Variants in CHN2 observed in about 807,000 individuals in gnomAD.
CHN2 encodes the protein beta-chimaerin.
Under a neutral mutation model 56.3 loss-of-function variants are expected in CHN2, and 35 were observed. That is an observed-to-expected ratio of 0.62 (90% CI 0.47 to 0.82). The LOEUF is 0.82. Ranked by LOEUF, CHN2 falls within the 40% of genes least tolerant of loss-of-function variation. CHN2 has a pLI of 0.00. For synonymous variants in CHN2, 210 were observed against 212.8 expected, an observed-to-expected ratio of 0.99 and a Z score of 0.12; for missense variants, 491 against 580.5, an observed-to-expected ratio of 0.85 and a Z score of 1.58.
At chr7:29,432,659 C>T (rs1186439436) in intron 6 of CHN2, among the ~76,000 whole-genome samples, 1 of 152,052 alleles carries the variant, frequency 6.6e-6, no homozygotes, top group Non-Finnish European at 1.5e-5. Context: ...ACCTGGCAGA[C>T]CTGTATTTAA....
At chr7:29,462,404 AG>A (rs1321843801) in intron 6 of CHN2, among the ~76,000 whole-genome samples, 1 of 152,206 alleles carries the variant, frequency 6.6e-6, no homozygotes, top group Non-Finnish European at 1.5e-5. Context: ...AGAGTACAGC[AG>A]GGATGGCTTG....
intron 2 of CHN2, among the ~76,000 whole-genome samples, chr7:29,154,129 AC>A (rs1439514901): frequency 6.6e-6 from 1 of 152,142 alleles, no homozygotes; most frequent in Non-Finnish European, 1.5e-5. Flanking sequence ...CCTGTTTGTC[AC>A]CACATCACAG....
chr7:29,158,030 G>T (rs1175368117), intron 2 of CHN2, among the ~76,000 whole-genome samples: 2 of 152,150 alleles, frequency 1.3e-5, no homozygotes, highest in African/African-American at 4.8e-5. Flanking sequence ...CCCAGAAAAG[G>T]CAAGATGGCA....
chr7:29,316,002 G>T (rs1384123709), intron 1 of CHN2, among the ~76,000 whole-genome samples: 1 of 152,132 alleles, frequency 6.6e-6, no homozygotes, highest in Non-Finnish European at 1.5e-5. Flanking sequence ...CATTTGTGGG[G>T]TATGAGGGAA....
chr7:29,256,174 A>G (rs373646327), intron 1 of CHN2, among the ~76,000 whole-genome samples: 28 of 152,314 alleles, frequency 1.8e-4, no homozygotes, highest in African/African-American at 6.3e-4. Context: ...AGAGGCTGCC[A>G]TGTCATAAAC....
intron 1 of CHN2, among the ~76,000 whole-genome samples, chr7:29,197,371 TG>T (rs1330819091): frequency 6.6e-6 from 1 of 152,256 alleles, no homozygotes; most frequent in Non-Finnish European, 1.5e-5. Context: ...CTGGGTATCT[TG>T]GAGTGAGTTA....
Position 29,398,129 on chromosome 7 carries a change from G to A in CHN2, c.177-244G>A, listed in dbSNP as rs369185693. ...CTTTCATTTTCAACTTGAAAGCAAA[G>A]ACAATAGCAGAAAGCCAGGTGGACT... On this transcript the variant is annotated intron_variant, in intron 4 of 12. Transcript: ENST00000222792. 475 of 311,848 alleles carry A rather than the reference G, an allele frequency of 1.5e-3. 14 individuals carry two copies. In the South Asian group the frequency reaches 0.047, roughly 31 times the overall value. 19.3% of individuals were successfully genotyped at this position (311,848 alleles called of 1,614,324 possible). A position where few individuals can be genotyped will look rare whatever the true frequency, so the allele number is the denominator to read the frequency against.
chr7:29,419,868 T>C (rs2128104780), intron 6 of CHN2, among the ~76,000 whole-genome samples: 1 of 152,196 alleles, frequency 6.6e-6, no homozygotes, highest in South Asian at 2.1e-4. Context: ...CAGACCAGCC[T>C]GGCCAACATG....
At chr7:29,482,824 T>C (rs1175492709) in intron 7 of CHN2, among the ~76,000 whole-genome samples, 13 of 87,038 alleles carry the variant, frequency 1.5e-4, no homozygotes, top group East Asian at 7.7e-4. Flanking sequence ...TTTTTTTTTT[T>C]TTTTTTTTTT....
intron 1 of CHN2, 126 bp downstream of exon 1, chr7:29,195,116 C>T: frequency 2.0e-6 from 2 of 987,060 alleles, no homozygotes; most frequent in South Asian, 1.7e-5. Flanking sequence ...TGGGGGCAGG[C>T]GTCCGGGGTG....
At chr7:29,212,496 C>G in intron 1 of CHN2, 1 of 1,579,286 alleles carries the variant, frequency 6.3e-7, no homozygotes, top group Non-Finnish European at 8.7e-7. Context: ...CAGGACAGCC[C>G]TGATTCTTCC....
chr7:29,360,137 G>A (rs1221159538), intron 2 of CHN2, among the ~76,000 whole-genome samples: 1 of 152,276 alleles, frequency 6.6e-6, no homozygotes, highest in Non-Finnish European at 1.5e-5. Flanking sequence ...ACATACTTAC[G>A]CCTGAAACCC....
At chr7:29,157,456 C>G (rs936354186) in intron 2 of CHN2, among the ~76,000 whole-genome samples, 2 of 152,002 alleles carry the variant, frequency 1.3e-5, no homozygotes, top group Non-Finnish European at 1.5e-5. Flanking sequence ...AAGCTGGAAA[C>G]TTTAAAGTTA....
chr7:29,330,449 T>C (rs1447324140), intron 1 of CHN2, among the ~76,000 whole-genome samples: 2 of 152,198 alleles, frequency 1.3e-5, no homozygotes, highest in East Asian at 1.9e-4. Context: ...GTCCCCCGCT[T>C]AGATGGTTTT....
In CHN2 at chr7:29,405,164, T is replaced by TACACACACACACACAC. The variant is rs57823678; in HGVS notation, c.576+4379_576+4394dup. The stretch of plus-strand genomic sequence containing the variant: ...TCTGTATGGAGTGCTTATGTCACCA[T>TACACACACACACACAC]ACACACACACACACACACACACACA... On this transcript the variant is annotated intron_variant, in intron 6 of 12. Coordinates refer to ENST00000222792, the MANE Select transcript of CHN2 (RefSeq NM_004067.4). 8.9e-3 allele frequency among the ~76,000 whole-genome samples: 934 copies of TACACACACACACACAC among 105,200 alleles called. 142 individuals carry two copies. The highest frequency in any genetic ancestry group is 0.02 in the East Asian group (63 of 3,102). The allele number at this position is 105,200 out of a possible 152,430, so 69.0% of individuals were successfully genotyped here. A position where few individuals can be genotyped will look rare whatever the true frequency, so the allele number is the denominator to read the frequency against.
intron 6 of CHN2, among the ~76,000 whole-genome samples, chr7:29,459,753 C>G (rs905882807): frequency 2.0e-5 from 3 of 152,196 alleles, no homozygotes; most frequent in Non-Finnish European, 4.4e-5. Context: ...CCCCTCTCCT[C>G]CCTGCATGGC....
At chr7:29,480,395 G>A (rs1787061016) in intron 7 of CHN2, 39 bp downstream of exon 7, 1 of 1,592,216 alleles carries the variant, frequency 6.3e-7, no homozygotes. Context: ...GTTACAAAAG[G>A]GCAGGTGGAA....
intron 1 of CHN2, among the ~76,000 whole-genome samples, chr7:29,292,262 T>C (rs1282029952): frequency 6.6e-6 from 1 of 152,184 alleles, no homozygotes; most frequent in African/African-American, 2.4e-5. Context: ...ACTAATAGTA[T>C]TTCACTGGAG....
rs560698812 is a variant in CHN2, at chr7:29,499,692, T to A, written c.740-175T>A. ...AAAATGGAATCATATAAGGGTTTAG[T>A]GATTAGAGATGATACTTGTATTTAT... On this transcript the variant is annotated intron_variant, in intron 8 of 12. Coordinates refer to ENST00000222792, the MANE Select transcript of CHN2 (RefSeq NM_004067.4). Among the ~76,000 whole-genome samples, 12 of 152,268 alleles carry A rather than the reference T, an allele frequency of 7.9e-5. No individual in the cohort carries two copies. In the East Asian group the frequency reaches 2.3e-3, roughly 29 times the overall value.
Sources: allele counts gnomAD v4.1 joint callset (sites outside exome capture counted in the v4.1 genomes callset), GRCh38; gene constraint gnomAD v4.1.1; transcripts MANE v1.5; gene names NCBI Gene and HGNC (gene_info 2026-07-23, HGNC 2026-07-21).